Variants in RASEF observed in about 807,000 individuals in gnomAD.
RASEF encodes RAS and EF-hand domain containing.
In RASEF, 68 loss-of-function variants were observed where a neutral mutation model predicts 90.1. The observed-to-expected ratio is 0.75, with a 90% CI of 0.62 to 0.92. The LOEUF (loss-of-function observed/expected upper bound fraction) is 0.92. RASEF is among the 40% of genes least tolerant of loss of function. The probability of loss-of-function intolerance (pLI) is 0.00; values close to 1 mark genes in which losing one functional copy is unlikely to be tolerated. For missense variants in RASEF, 949 were observed against 937.2 expected (o/e 1.01, Z -0.16); for synonymous variants, 331 against 345.2 (o/e 0.96, Z 0.46).
At chr9:83,029,105 C>T (rs980532983) in intron 1 of RASEF, among the ~76,000 whole-genome samples, 3 of 152,168 alleles carry the variant, frequency 2.0e-5, no homozygotes, top group Admixed American at 6.5e-5. Context: ...AATACCTAGG[C>T]AGCCCTAGCA....
At chr9:83,001,764 C>CA (rs1307919574) in intron 9 of RASEF, among the ~76,000 whole-genome samples, 1 of 151,832 alleles carries the variant, frequency 6.6e-6, no homozygotes, top group Admixed American at 6.5e-5. Context: ...ATCAACATGG[C>CA]AAAAAATGAT....
intron 16 of RASEF, among the ~76,000 whole-genome samples, chr9:82,987,013 A>G (rs980272275): frequency 2.6e-5 from 4 of 152,168 alleles, no homozygotes; most frequent in African/African-American, 7.2e-5. Flanking sequence ...TTAAAAATAA[A>G]TTGTTTGAGA....
At chr9:83,080,723 T>C in the RASEF span, among the ~76,000 whole-genome samples, 1 of 152,166 alleles carries the variant, frequency 6.6e-6, no homozygotes, top group Non-Finnish European at 1.5e-5. Flanking sequence ...AATTTCATGG[T>C]ACTATCCATA....
At chr9:83,128,752 C>CT in the RASEF span, among the ~76,000 whole-genome samples, 3 of 152,126 alleles carry the variant, frequency 2.0e-5, no homozygotes, top group Admixed American at 2.0e-4. Context: ...TGGGCTGGGG[C>CT]ACAACCAGCC....
At chr9:83,026,750 T>A (rs1829556679) in intron 1 of RASEF, among the ~76,000 whole-genome samples, 1 of 152,176 alleles carries the variant, frequency 6.6e-6, no homozygotes, top group Non-Finnish European at 1.5e-5. Flanking sequence ...CATTTTTATA[T>A]ATATTTGCAT....
the RASEF span, among the ~76,000 whole-genome samples, chr9:83,120,503 A>G: frequency 6.6e-6 from 1 of 152,190 alleles, no homozygotes; most frequent in African/African-American, 2.4e-5. Flanking sequence ...ATGCTGTGGA[A>G]TGAAGCCTCT....
At chr9:83,141,761 G>A in the RASEF span, among the ~76,000 whole-genome samples, 1 of 152,198 alleles carries the variant, frequency 6.6e-6, no homozygotes, top group Admixed American at 6.5e-5. Flanking sequence ...TGATTAGGGA[G>A]AGGGAGGGTC....
At chr9:83,161,154 G>T in the RASEF span, among the ~76,000 whole-genome samples, 1 of 152,178 alleles carries the variant, frequency 6.6e-6, no homozygotes, top group Non-Finnish European at 1.5e-5. Context: ...TGAGAAGAGG[G>T]CTACTGTCCT....
At chr9:83,010,093 G>C (rs1280031733) in intron 5 of RASEF, among the ~76,000 whole-genome samples, 9 of 152,112 alleles carry the variant, frequency 5.9e-5, no homozygotes. Flanking sequence ...TTTATTTAAT[G>C]AGCGCTTTAA....
chr9:82,985,980 T>C (rs1333494399), intron 16 of RASEF, among the ~76,000 whole-genome samples: 2 of 152,260 alleles, frequency 1.3e-5, no homozygotes, highest in East Asian at 1.9e-4. Flanking sequence ...GGGGGTTCAC[T>C]CTATGCTTAT....
intron 1 of RASEF, among the ~76,000 whole-genome samples, chr9:83,041,870 A>G (rs1310930715): frequency 1.3e-5 from 2 of 152,208 alleles, no homozygotes; most frequent in Non-Finnish European, 2.9e-5. Flanking sequence ...TCCCAAAGCC[A>G]CAGTTCACTA....
chr9:83,208,663 C>A, the RASEF span, among the ~76,000 whole-genome samples: 1 of 152,162 alleles, frequency 6.6e-6, no homozygotes, highest in Non-Finnish European at 1.5e-5. Context: ...CCCTCTCATT[C>A]CTAACTGTAG....
At position 83,015,862 on chromosome 9, in the gene RASEF, T is replaced by C; in HGVS notation, c.708A>G (p.Arg236=). 1 of 1,614,032 alleles carries C rather than the reference T, an allele frequency of 6.2e-7. No homozygotes were observed. Among genetic ancestry groups the C allele is most frequent in the Non-Finnish European group, 8.5e-7 (1 of 1,179,948 alleles). The change falls in exon 4 of 17, where the codon AGA becomes AGG. Residue 236 remains arginine, a synonymous_variant. Coordinates refer to ENST00000376447, the MANE Select transcript of RASEF (RefSeq NM_152573.4). ...CTCCTACTTCAGTTTCATACTGACG[T>C]CTGAGGTCACTGAGGGCTTCCTCAG... is the stretch of plus-strand genomic sequence containing the variant. ...RKAEEALSDL[R]RQYETEVGDL... is the part of the protein sequence containing the mutation.
intron 5 of RASEF, among the ~76,000 whole-genome samples, chr9:83,010,778 C>T (rs990990962): frequency 1.3e-5 from 2 of 152,086 alleles, no homozygotes; most frequent in Admixed American, 6.5e-5. Context: ...GGTCCCCTGC[C>T]AGCTTCACAC....
At chr9:83,172,716 T>A in the RASEF span, among the ~76,000 whole-genome samples, 1 of 151,966 alleles carries the variant, frequency 6.6e-6, no homozygotes, top group Admixed American at 6.6e-5. Flanking sequence ...ATATTGTCTA[T>A]CTCTTAAGAA....
At chr9:83,043,181 A>T (rs1360988918) in intron 1 of RASEF, among the ~76,000 whole-genome samples, 1 of 152,250 alleles carries the variant, frequency 6.6e-6, no homozygotes, top group Non-Finnish European at 1.5e-5. Context: ...CACAGAAATT[A>T]TCCAAATGGA....
At chr9:83,170,504 T>C in the RASEF span, among the ~76,000 whole-genome samples, 2 of 151,944 alleles carry the variant, frequency 1.3e-5, no homozygotes, top group Non-Finnish European at 2.9e-5. Flanking sequence ...TCTATATATC[T>C]CTTTGTGTAG....
intron 1 of RASEF, 96 bp from the exon 2 acceptor site, chr9:83,026,017 A>G: frequency 1.1e-6 from 1 of 888,820 alleles, no homozygotes; most frequent in Non-Finnish European, 1.7e-6. Context: ...ATGAAGAACT[A>G]AGGAAAGAAA....
chr9:83,072,554 G>GA, the RASEF span, among the ~76,000 whole-genome samples: 1 of 152,220 alleles, frequency 6.6e-6, no homozygotes, highest in Admixed American at 6.5e-5. Context: ...CAAAAGCAGT[G>GA]AAGCCAACAG....
Sources: allele counts gnomAD v4.1 joint callset (sites outside exome capture counted in the v4.1 genomes callset), GRCh38; gene constraint gnomAD v4.1.1; transcripts MANE v1.5; gene names NCBI Gene and HGNC (gene_info 2026-07-23, HGNC 2026-07-21).